HLA-DOB: variants seen among roughly 807,000 people sequenced by gnomAD.
The protein encoded by HLA-DOB is HLA class II histocompatibility antigen, DO beta chain.
Under a neutral mutation model 27.7 loss-of-function variants are expected in HLA-DOB, and 25 were observed. The ratio of observed to expected loss-of-function variants is 0.90; its 90% confidence interval spans 0.66 to 1.26. HLA-DOB has a LOEUF of 1.26. HLA-DOB is among the 50% of genes most tolerant of loss of function. The probability of loss-of-function intolerance (pLI) is 0.00; values close to 1 mark genes in which losing one functional copy is unlikely to be tolerated. For synonymous variants in HLA-DOB, 137 were observed against 125.6 expected (o/e 1.09, Z -0.61); for missense variants, 306 against 324.9 (o/e 0.94, Z 0.45).
chr6:32,815,688 T>C (rs1767992165), intron 1 of HLA-DOB, among the ~76,000 whole-genome samples: 1 of 152,206 alleles, frequency 6.6e-6, no homozygotes, highest in Non-Finnish European at 1.5e-5. Flanking sequence ...TGGGTAAAAT[T>C]AAACCAATCC....
Position 32,813,268 on chromosome 6 carries a change from GAAGGTC to G in HLA-DOB, c.787-23_787-18del. ...TCTTGAGACCTGGAGGCACAGTGAT[GAAGGTC>G]TCAGGAGGCAGCCTCACCACCCCCC... On this transcript the variant is annotated intron_variant, in intron 5 of 5. Coordinates refer to ENST00000438763, the MANE Select transcript of HLA-DOB (RefSeq NM_002120.4). The G allele has an allele frequency of 6.2e-7, 1 of 1,612,848 alleles. No individual in the cohort carries two copies. The highest frequency in any genetic ancestry group is 8.5e-7 in the Non-Finnish European group (1 of 1,179,804).
chr6:32,814,502 T>C lies in HLA-DOB; in HGVS notation c.461A>G (p.Lys154Arg), dbSNP rs759567704. 6.2e-7 allele frequency: 1 copy of C among 1,613,046 alleles called. No homozygotes were observed. The highest frequency in any genetic ancestry group is 8.5e-7 in the Non-Finnish European group (1 of 1,180,008). Reference sequence around the variant, plus strand: ...CTGCCCATTCAGGAACCACTTGATCTTGATATCCCCTGGATAGAAGCCTGT... The same window carrying C: ...CTGCCCATTCAGGAACCACTTGATCCTGATATCCCCTGGATAGAAGCCTGT... ...SVTGFYPGDI[K>R]IKWFLNGQEE... Residue 154 changes from lysine (K) to arginine (R), a missense_variant, in exon 3 of 6, where the codon AAG becomes AGG. By Grantham distance (26) the Lys-to-Arg change is conservative. Coordinates refer to ENST00000438763, the MANE Select transcript of HLA-DOB (RefSeq NM_002120.4).
Position 32,816,849 on chromosome 6 carries a change from C to T in HLA-DOB, c.91+12G>A, listed in dbSNP as rs553921719. The T allele has an allele frequency of 1.9e-6, 3 of 1,606,704 alleles. No individual in the cohort carries two copies. Among genetic ancestry groups the T allele is most frequent in the South Asian group, 1.1e-5 (1 of 90,640 alleles). On this transcript the variant is annotated intron_variant, in intron 1 of 5. Transcript: ENST00000438763. ...CATACACACTGGAAAAAAACAATTG[C>T]TCTGTTCTTACCTGGAGAGTCTGTG...
At chr6:32,814,906 A>G (rs763688162) in intron 2 of HLA-DOB, 138 bp downstream of exon 2, 12 of 1,043,010 alleles carry the variant, frequency 1.2e-5, no homozygotes, top group Non-Finnish European at 1.6e-5. Context: ...AGGATAATAT[A>G]TCACAGCTGG....
chr6:32,813,650 C>T, intron 4 of HLA-DOB, 73 bp downstream of exon 4: 1 of 1,201,024 alleles, frequency 8.3e-7, no homozygotes, highest in Non-Finnish European at 1.2e-6. Context: ...TGCCTCAGAT[C>T]ATTGACGTTA....
chr6:32,816,773 C>A (rs1768035115), intron 1 of HLA-DOB, 88 bp downstream of exon 1: 2 of 1,059,926 alleles, frequency 1.9e-6, no homozygotes, highest in Non-Finnish European at 1.4e-6. Flanking sequence ...CCAGTCTGGT[C>A]TGTGGCCTGG....
At chr6:32,814,753 C>G (rs1427372278) in intron 2 of HLA-DOB, 152 bp from the exon 3 acceptor site, 3 of 756,000 alleles carry the variant, frequency 4.0e-6, no homozygotes, top group Non-Finnish European at 6.5e-6. Context: ...AGATCAGTAA[C>G]AGGGTATGTC....
At chr6:32,816,778 G>A (rs375402846) in intron 1 of HLA-DOB, 83 bp downstream of exon 1, 2 of 1,123,548 alleles carry the variant, frequency 1.8e-6, no homozygotes, top group Non-Finnish European at 1.3e-6. Flanking sequence ...CTGGTCTGTG[G>A]CCTGGACTTA....
In HLA-DOB at chr6:32,813,465, A is replaced by G. The variant is rs1767884825; in HGVS notation, c.761T>C (p.Val254Ala). Residue 254 changes from valine to alanine, a missense_variant, in exon 5 of 6, where the codon GTG becomes GCG. By Grantham distance (64) the Val-to-Ala change is moderately conservative. Transcript: ENST00000438763. ...VIQLRAQKGYVRTQMSGNEVS... is the reference protein window; with the variant it reads ...VIQLRAQKGYARTQMSGNEVS... ...CTCATTACCAGACATCTGCGTCCTC[A>G]CATATCCTGGAAAGAAATCGAGAAA... The G allele has an allele frequency of 6.2e-7, 1 of 1,612,938 alleles. No individual in the cohort carries two copies. The highest frequency in any genetic ancestry group is 1.7e-5 in the Admixed American group (1 of 60,006).
chr6:32,813,722 C>T lies in HLA-DOB; in HGVS notation c.754+1G>A. 2 of 1,540,592 alleles carry T rather than the reference C, an allele frequency of 1.3e-6. No homozygotes were observed. Among genetic ancestry groups the T allele is most frequent in the African/African-American group, 1.4e-5 (1 of 73,130 alleles). ...CAGGGCACTCCTCACAGGCTCATTA[C>T]CTTTCTGAGCCCTTAGCTGGATGAC... On this transcript the variant is annotated splice_donor_variant, in intron 4 of 5. Transcript: ENST00000438763. LOFTEE classifies it high-confidence loss of function.
Position 32,814,510 on chromosome 6 carries a change from C to A in HLA-DOB, c.453G>T (p.Gly151=). 1 of 1,612,982 alleles carries A rather than the reference C, an allele frequency of 6.2e-7. No individual in the cohort carries two copies. The highest frequency in any genetic ancestry group is 8.5e-7 in the Non-Finnish European group (1 of 1,179,994). The part of the protein sequence containing the change: ...LHCSVTGFYP[G]DIKIKWFLNG... ...TCAGGAACCACTTGATCTTGATATC[C>A]CCTGGATAGAAGCCTGTCACAGAGC... Residue 151 remains glycine, a synonymous_variant, in exon 3 of 6, where the codon GGG becomes GGT. Coordinates refer to ENST00000438763, the MANE Select transcript of HLA-DOB (RefSeq NM_002120.4).
intron 1 of HLA-DOB, among the ~76,000 whole-genome samples, chr6:32,816,201 C>T (rs779462445): frequency 6.6e-5 from 10 of 152,132 alleles, no homozygotes; most frequent in Non-Finnish European, 8.8e-5. Context: ...CTGTTCTTAG[C>T]ACATTACATC....
Position 32,816,912 on chromosome 6 carries a change from C to G in HLA-DOB, c.40G>C (p.Val14Leu). The G allele has an allele frequency of 1.2e-6, 2 of 1,613,032 alleles. No individual in the cohort carries two copies. Among genetic ancestry groups the G allele is most frequent in the Non-Finnish European group, 1.7e-6 (2 of 1,179,996 alleles). Residue 14 changes from valine to leucine, a missense_variant, in exon 1 of 6, where the codon GTG becomes CTG. Transcript: ENST00000438763. ...GWVPWVVALL[V>L]NLTRLDSSMT... is the part of the protein sequence containing the mutation. ...GAGGAATCCAGTCGGGTCAGATTCA[C>G]TAGCAGAGCCACCACCCAGGGGACC...
In HLA-DOB at chr6:32,816,953, C is replaced by T; in HGVS notation, c.-2G>A. The T allele has an allele frequency of 6.2e-7, 1 of 1,610,838 alleles. No homozygotes were observed. The highest frequency in any genetic ancestry group is 1.7e-4 in the Middle Eastern group (1 of 6,054). ...CCAGGGGACCCACCCAGAACCCATTCTGGAGAAAGGAAAAAAATGAGATAG... is the reference window on the plus strand; with the variant it reads ...CCAGGGGACCCACCCAGAACCCATTTTGGAGAAAGGAAAAAAATGAGATAG... On this transcript the variant is annotated 5_prime_UTR_variant, in exon 1 of 6. Coordinates refer to ENST00000438763, the MANE Select transcript of HLA-DOB (RefSeq NM_002120.4).
chr6:32,814,097 A>G (rs1562302812), intron 3 of HLA-DOB: 4 of 607,570 alleles, frequency 6.6e-6, no homozygotes, highest in Non-Finnish European at 1.2e-5. Context: ...GAAGCACATA[A>G]TGAGGTGATT....
chr6:32,814,462 C>T lies in HLA-DOB; in HGVS notation c.501G>A (p.Gly167=), dbSNP rs1429032878. 2 of 1,612,862 alleles carry T rather than the reference C, an allele frequency of 1.2e-6. No homozygotes were observed. Among genetic ancestry groups the T allele is most frequent in the Admixed American group, 1.7e-5 (1 of 59,982 alleles). The change falls in exon 3 of 6, where the codon GGG becomes GGA. Residue 167 remains glycine (G), a synonymous_variant. Coordinates refer to ENST00000438763, the MANE Select transcript of HLA-DOB (RefSeq NM_002120.4). ...WFLNGQEERA[G]VMSTGPIRNG... is the part of the protein sequence containing the mutation. ...TCCTGATAGGGCCAGTGGACATGACCCCAGCTCTCTCCTCCTGCCCATTCA... is the reference window on the plus strand; with the variant it reads ...TCCTGATAGGGCCAGTGGACATGACTCCAGCTCTCTCCTCCTGCCCATTCA...
At position 32,813,479 on chromosome 6, in the gene HLA-DOB, G is replaced by A. The variant is rs376419093; in HGVS notation, c.755-8C>T. ...TCTGCGTCCTCACATATCCTGGAAA[G>A]AAATCGAGAAAAGAATGGATTGCCC... On this transcript the variant is annotated splice_region_variant and splice_polypyrimidine_tract_variant and intron_variant, in intron 4 of 5. Transcript: ENST00000438763. The A allele has an allele frequency of 3.7e-5, 59 of 1,612,616 alleles. No individual in the cohort carries two copies. The East Asian group carries it at 3.8e-4, about 10-fold the overall frequency.
At position 32,813,014 on chromosome 6, in the gene HLA-DOB, C is replaced by T. The variant is rs900478113; in HGVS notation, c.*202G>A. 9.7e-6 allele frequency: 6 copies of T among 616,114 alleles called. No individual in the cohort carries two copies. Among genetic ancestry groups the T allele is most frequent in the Admixed American group, 2.8e-5 (1 of 36,336 alleles). 38.2% of individuals were successfully genotyped at this position (616,114 alleles called of 1,614,324 possible). A position where few individuals can be genotyped will look rare whatever the true frequency, so the allele number is the denominator to read the frequency against. Reference sequence around the variant, plus strand: ...CTTGGCAATGGGGATTAATGATGTACACGTAGAAGGGAGAAGGGCAGATGG... The same window carrying T: ...CTTGGCAATGGGGATTAATGATGTATACGTAGAAGGGAGAAGGGCAGATGG... On this transcript the variant is annotated 3_prime_UTR_variant, in exon 6 of 6. Coordinates refer to ENST00000438763, the MANE Select transcript of HLA-DOB (RefSeq NM_002120.4).
At position 32,815,512 on chromosome 6, in the gene HLA-DOB, G is replaced by C. The variant is rs983841373; in HGVS notation, c.92-199C>G. The stretch of plus-strand genomic sequence containing the variant: ...TTATTAAATTTTAAAAACACATAAA[G>C]AGCAATAATGCTACATATTTCTAAA... On this transcript the variant is annotated intron_variant, in intron 1 of 5. Transcript: ENST00000438763. Among the ~76,000 whole-genome samples, 5 of 152,278 alleles carry C rather than the reference G, an allele frequency of 3.3e-5. No homozygotes were observed. In the East Asian group the frequency reaches 9.7e-4, roughly 29 times the overall value.
Sources: allele counts gnomAD v4.1 joint callset (sites outside exome capture counted in the v4.1 genomes callset), GRCh38; gene constraint gnomAD v4.1.1; transcripts MANE v1.5; gene names NCBI Gene and HGNC (gene_info 2026-07-23, HGNC 2026-07-21).